Variants in TEK observed in about 807,000 individuals in gnomAD.
The protein encoded by TEK is angiopoietin-1 receptor.
TEK carries 43 observed loss-of-function variants against 131.8 expected under a neutral mutation model. The ratio of observed to expected loss-of-function variants is 0.33; its 90% CI spans 0.26 to 0.42. TEK has a LOEUF of 0.42. Ranked by LOEUF, TEK falls within the 10% of genes least tolerant of loss-of-function variation. TEK has a pLI of 1.00. For synonymous variants in TEK, 580 were observed against 491.6 expected, an observed-to-expected ratio of 1.18 and a Z score of -2.38; for missense variants, 1,162 against 1,384.4, an observed-to-expected ratio of 0.84 and a Z score of 2.55.
intron 1 of TEK, among the ~76,000 whole-genome samples, chr9:27,137,874 T>C (rs987724787): frequency 6.6e-6 from 1 of 152,152 alleles, no homozygotes; most frequent in African/African-American, 2.4e-5. Flanking sequence ...CGGTGGGTTC[T>C]TGGTCTCACT....
intron 6 of TEK, among the ~76,000 whole-genome samples, chr9:27,173,804 C>A (rs1378553050): frequency 3.6e-5 from 5 of 138,938 alleles, no homozygotes; most frequent in Admixed American, 3.2e-4. Flanking sequence ...GTAGCACATG[C>A]CTGTTGTCCC....
At chr9:27,115,396 G>A (rs1387555929) in intron 1 of TEK, among the ~76,000 whole-genome samples, 1 of 152,122 alleles carries the variant, frequency 6.6e-6, no homozygotes, top group Non-Finnish European at 1.5e-5. Flanking sequence ...CTACTCGGGT[G>A]GCTGAAGTGG....
intron 12 of TEK, among the ~76,000 whole-genome samples, chr9:27,197,917 A>G (rs768195230): frequency 6.6e-6 from 1 of 152,340 alleles, no homozygotes; most frequent in African/African-American, 2.4e-5. Flanking sequence ...GAATTATCAT[A>G]TATCTACATG....
intron 8 of TEK, among the ~76,000 whole-genome samples, chr9:27,184,917 G>T (rs1247075144): frequency 6.6e-6 from 1 of 151,976 alleles, no homozygotes; most frequent in Non-Finnish European, 1.5e-5. Context: ...GCATATACCT[G>T]TAGTCCCAGC....
Position 27,109,428 on chromosome 9 carries a change from G to A in TEK, c.-163G>A, listed in dbSNP as rs1160822999. The A allele has an allele frequency of 5.4e-6, 4 of 744,136 alleles. No individual in the cohort carries two copies. Among genetic ancestry groups the A allele is most frequent in the Non-Finnish European group, 9.6e-6 (4 of 416,650 alleles). The allele number at this position is 744,136 out of a possible 1,614,324, so 46.1% of individuals were successfully genotyped here. A position where few individuals can be genotyped will look rare whatever the true frequency, so the allele number is the denominator to read the frequency against. Reference sequence around the variant, plus strand: ...ACTCCCTGTGCTCAGACAGAAATGAGACTGTTACAGCCTGCTTCTGTGCTG... The same window carrying A: ...ACTCCCTGTGCTCAGACAGAAATGAAACTGTTACAGCCTGCTTCTGTGCTG... On this transcript the variant is annotated 5_prime_UTR_variant, in exon 1 of 23. Transcript: ENST00000380036.
chr9:27,112,392 C>G (rs1317578927), intron 1 of TEK, among the ~76,000 whole-genome samples: 2 of 152,130 alleles, frequency 1.3e-5, no homozygotes, highest in Non-Finnish European at 2.9e-5. Flanking sequence ...CGGAGACACC[C>G]TTTGGAATTA....
chr9:27,224,080 C>G (rs994049518), intron 21 of TEK, among the ~76,000 whole-genome samples: 1 of 152,198 alleles, frequency 6.6e-6, no homozygotes, highest in East Asian at 1.9e-4. Flanking sequence ...GAATCCCAGT[C>G]GAAGACCAGT....
chr9:27,131,163 G>T (rs1822200500), intron 1 of TEK, among the ~76,000 whole-genome samples: 1 of 152,102 alleles, frequency 6.6e-6, no homozygotes, highest in South Asian at 2.1e-4. Flanking sequence ...AAATAAACTT[G>T]GCAGTGTAGA....
chr9:27,134,322 G>T (rs991332790), intron 1 of TEK, among the ~76,000 whole-genome samples: 6 of 152,186 alleles, frequency 3.9e-5, no homozygotes, highest in African/African-American at 1.4e-4. Context: ...ACAAACTCAA[G>T]GATTTGTAGG....
At chr9:27,134,072 C>T (rs765886644) in intron 1 of TEK, among the ~76,000 whole-genome samples, 1 of 151,980 alleles carries the variant, frequency 6.6e-6, no homozygotes, top group African/African-American at 2.4e-5. Context: ...TAATCATGCT[C>T]GTATGTAGAG....
chr9:27,113,915 G>A, intron 1 of TEK, among the ~76,000 whole-genome samples: 1 of 152,014 alleles, frequency 6.6e-6, no homozygotes, highest in East Asian at 1.9e-4. Flanking sequence ...TTTCCTCTTG[G>A]CTCTTGTTCA....
intron 1 of TEK, among the ~76,000 whole-genome samples, chr9:27,153,867 G>C (rs1823224139): frequency 6.6e-6 from 1 of 152,206 alleles, no homozygotes; most frequent in Non-Finnish European, 1.5e-5. Context: ...ACGGACCACA[G>C]TTGTACTCGT....
intron 1 of TEK, among the ~76,000 whole-genome samples, chr9:27,126,994 C>T (rs1046605570): frequency 2.0e-5 from 3 of 152,144 alleles, no homozygotes; most frequent in Non-Finnish European, 4.4e-5. Context: ...TTTTATTATA[C>T]TTTAAGATCT....
intron 18 of TEK, among the ~76,000 whole-genome samples, chr9:27,215,493 A>G (rs1005974159): frequency 6.6e-6 from 1 of 151,734 alleles, no homozygotes; most frequent in African/African-American, 2.4e-5. Context: ...AAAGATCCCC[A>G]GATGATTGAG....
At chr9:27,139,145 G>A (rs571736036) in intron 1 of TEK, among the ~76,000 whole-genome samples, 17 of 146,100 alleles carry the variant, frequency 1.2e-4, no homozygotes, top group African/African-American at 3.8e-4. Flanking sequence ...CCTGGGAGGC[G>A]GAGCTTGCAG....
rs145678617 is a variant in TEK, at chr9:27,169,419, C to G, written c.476-58C>G. ...AAGCTAATTAAGTGGAGAAACCAGA[C>G]AAGGAAGCAGGTATGTTTCAGTGTG... On this transcript the variant is annotated intron_variant, in intron 3 of 22. Coordinates refer to ENST00000380036, the MANE Select transcript of TEK (RefSeq NM_000459.5). 140 of 1,609,766 alleles carry G rather than the reference C, an allele frequency of 8.7e-5. 3 individuals are homozygous for G. The East Asian group carries it at 3.0e-3, about 35-fold the overall frequency.
At chr9:27,136,902 T>A (rs965389356) in intron 1 of TEK, among the ~76,000 whole-genome samples, 1 of 152,138 alleles carries the variant, frequency 6.6e-6, no homozygotes. Flanking sequence ...AATCTCTCCA[T>A]GTTTTTAAAT....
chr9:27,210,516 C>G (rs534872507), intron 16 of TEK: 21 of 175,098 alleles, frequency 1.2e-4, no homozygotes, highest in South Asian at 1.1e-3. Context: ...TGTGCTGAGG[C>G]TTTAGTGTTG....
chr9:27,207,732 A>G (rs147391658), intron 15 of TEK, among the ~76,000 whole-genome samples: 25 of 152,336 alleles, frequency 1.6e-4, no homozygotes, highest in African/African-American at 6.0e-4. Context: ...GAGCTCTCTA[A>G]GGATGCTGGC....
Sources: allele counts gnomAD v4.1 joint callset (sites outside exome capture counted in the v4.1 genomes callset), GRCh38; gene constraint gnomAD v4.1.1; transcripts MANE v1.5; gene names NCBI Gene and HGNC (gene_info 2026-07-23, HGNC 2026-07-21).